The following PDE4B variants were observed in gnomAD, a reference collection of about 807,000 sequenced individuals.
The protein encoded by PDE4B is phosphodiesterase 4B.
A neutral mutation model predicts 82.2 loss-of-function variants in PDE4B; 20 were observed. The ratio of observed to expected loss-of-function variants is 0.24; its 90% CI spans 0.17 to 0.35. The LOEUF is 0.35. PDE4B is among the 10% of genes least tolerant of loss of function. PDE4B has a pLI of 1.00. For synonymous variants in PDE4B, 320 were observed against 318.9 expected, an observed-to-expected ratio of 1.00 and a Z score of -0.04; for missense variants, 655 against 907.2, an observed-to-expected ratio of 0.72 and a Z score of 3.57.
At chr1:66,323,474 C>T (rs1659547273) in intron 7 of PDE4B, among the ~76,000 whole-genome samples, 1 of 152,116 alleles carries the variant, frequency 6.6e-6, no homozygotes, top group African/African-American at 2.4e-5. Flanking sequence ...AGGATATAGG[C>T]TTCAAGTAAG....
intron 3 of PDE4B, among the ~76,000 whole-genome samples, chr1:66,153,163 C>T (rs1646437202): frequency 6.6e-6 from 1 of 152,190 alleles, no homozygotes; most frequent in Admixed American, 6.5e-5. Flanking sequence ...GATTGCAAAG[C>T]TGCTCTGAAG....
At chr1:66,293,721 A>G (rs1210800537) in intron 7 of PDE4B, among the ~76,000 whole-genome samples, 1 of 152,234 alleles carries the variant, frequency 6.6e-6, no homozygotes, top group Non-Finnish European at 1.5e-5. Flanking sequence ...AAAAATCTTT[A>G]GAAACCAAGA....
chr1:66,213,795 T>C (rs1263045095), intron 3 of PDE4B, among the ~76,000 whole-genome samples: 2 of 152,170 alleles, frequency 1.3e-5, no homozygotes, highest in Non-Finnish European at 2.9e-5. Context: ...AGTGCTCTAC[T>C]TTTTCATTCA....
chr1:65,802,159 C>G (rs1415995697), intron 1 of PDE4B, among the ~76,000 whole-genome samples: 3 of 152,122 alleles, frequency 2.0e-5, no homozygotes, highest in Non-Finnish European at 4.4e-5. Context: ...ATGCTACAAC[C>G]AGCAAGAAGT....
At chr1:66,116,478 A>C (rs803227) in intron 3 of PDE4B, among the ~76,000 whole-genome samples, 63,443 of 151,966 alleles carry the variant, frequency 0.42, 14,504 homozygotes, top group Non-Finnish European at 0.5. Context: ...ATCATACAGC[A>C]TAGTCACATC....
chr1:66,160,092 T>C (rs1646580755), intron 3 of PDE4B, among the ~76,000 whole-genome samples: 1 of 152,102 alleles, frequency 6.6e-6, no homozygotes. Context: ...TCACACAGGA[T>C]TTTTACAGTG....
intron 6 of PDE4B, among the ~76,000 whole-genome samples, chr1:66,264,310 G>A (rs1199762311): frequency 6.6e-6 from 1 of 152,162 alleles, no homozygotes; most frequent in African/African-American, 2.4e-5. Flanking sequence ...CTGAAAAACA[G>A]CCCTCAGTAT....
At chr1:66,132,496 G>T (rs1645969697) in intron 3 of PDE4B, among the ~76,000 whole-genome samples, 1 of 152,150 alleles carries the variant, frequency 6.6e-6, no homozygotes, top group African/African-American at 2.4e-5. Flanking sequence ...TGGAGTACAG[G>T]AACATAATAT....
chr1:65,845,701 A>G (rs1295098274), intron 1 of PDE4B, among the ~76,000 whole-genome samples: 1 of 152,142 alleles, frequency 6.6e-6, no homozygotes, highest in African/African-American at 2.4e-5. Flanking sequence ...GTCTCTGTCC[A>G]TGTAGAGCGA....
intron 1 of PDE4B, among the ~76,000 whole-genome samples, chr1:65,814,391 ATATT>A: frequency 6.6e-6 from 1 of 152,314 alleles, no homozygotes; most frequent in South Asian, 2.1e-4. Flanking sequence ...TGTAATATAT[ATATT>A]CTTATAACCA....
At chr1:66,162,429 G>T (rs945573082) in intron 3 of PDE4B, among the ~76,000 whole-genome samples, 3 of 145,796 alleles carry the variant, frequency 2.1e-5, no homozygotes, top group Admixed American at 7.1e-5. Flanking sequence ...TCTCATTTGG[G>T]ACTGGTGTCC....
intron 1 of PDE4B, among the ~76,000 whole-genome samples, chr1:65,888,931 A>G (rs1005647898): frequency 2.0e-5 from 3 of 152,002 alleles, no homozygotes; most frequent in Non-Finnish European, 4.4e-5. Context: ...TTTCAATTTC[A>G]TTCTTTTGCC....
chr1:65,997,317 A>G (rs992019171), intron 3 of PDE4B, among the ~76,000 whole-genome samples: 24 of 152,122 alleles, frequency 1.6e-4, no homozygotes, highest in African/African-American at 5.3e-4. Flanking sequence ...CTTCTCGTTT[A>G]GTTTTACCTG....
intron 3 of PDE4B, among the ~76,000 whole-genome samples, chr1:66,109,479 A>C (rs74799528): frequency 7.6e-5 from 1 of 13,180 alleles, no homozygotes; most frequent in Non-Finnish European, 8.1e-4. Context: ...AAAACAATTT[A>C]AAAAAAAATT....
intron 1 of PDE4B, among the ~76,000 whole-genome samples, chr1:65,818,375 C>T (rs1000868990): frequency 1.3e-5 from 2 of 152,060 alleles, no homozygotes; most frequent in South Asian, 4.1e-4. Context: ...TGCTTTTGCT[C>T]TATTTCTTGT....
chr1:66,019,491 G>A (rs1295285172), intron 3 of PDE4B, among the ~76,000 whole-genome samples: 1 of 151,636 alleles, frequency 6.6e-6, no homozygotes, highest in Admixed American at 6.6e-5. Context: ...GAGTAGCTGG[G>A]ACTACAGGTG....
At chr1:66,329,252 A>G (rs1570702314) in intron 7 of PDE4B, among the ~76,000 whole-genome samples, 1 of 152,192 alleles carries the variant, frequency 6.6e-6, no homozygotes, top group East Asian at 1.9e-4. Context: ...GTACCATAAT[A>G]ATGTAAGACA....
At chr1:66,240,356 C>T (rs911508094) in intron 3 of PDE4B, among the ~76,000 whole-genome samples, 1 of 152,172 alleles carries the variant, frequency 6.6e-6, no homozygotes, top group Non-Finnish European at 1.5e-5. Flanking sequence ...TATCATCTGA[C>T]TCAATTCTTT....
intron 3 of PDE4B, among the ~76,000 whole-genome samples, chr1:66,131,352 T>C (rs866460640): frequency 6.6e-6 from 1 of 151,610 alleles, no homozygotes; most frequent in African/African-American, 2.4e-5. Flanking sequence ...TTATTTCCAA[T>C]ATGTAATAAA....
Sources: allele counts gnomAD v4.1 joint callset (sites outside exome capture counted in the v4.1 genomes callset), GRCh38; gene constraint gnomAD v4.1.1; transcripts MANE v1.5; gene names NCBI Gene and HGNC (gene_info 2026-07-23, HGNC 2026-07-21).